The following RCAN2 variants were observed in gnomAD, a reference collection of about 807,000 sequenced individuals.
RCAN2 encodes calcipressin-2.
Under a neutral mutation model 23.6 loss-of-function variants are expected in RCAN2, and 9 were observed. That is an observed-to-expected ratio of 0.38 (90% CI 0.23 to 0.67). The LOEUF (loss-of-function observed/expected upper bound fraction) is 0.67. RCAN2 is among the 30% of genes least tolerant of loss of function. RCAN2 has a pLI of 0.51. For synonymous variants in RCAN2, 109 were observed against 115.7 expected (o/e 0.94, Z 0.37); for missense variants, 273 against 302.3 (o/e 0.90, Z 0.72).
chr6:46,249,318 T>G (rs1241088698), intron 2 of RCAN2, among the ~76,000 whole-genome samples: 1 of 9,566 alleles, frequency 1.0e-4, no homozygotes, highest in African/African-American at 5.9e-4. Context: ...TCTTTCTTTC[T>G]TTTTTTTTTT....
chr6:46,260,216 C>T (rs1047975736), intron 2 of RCAN2, among the ~76,000 whole-genome samples: 3 of 152,140 alleles, frequency 2.0e-5, no homozygotes, highest in Non-Finnish European at 4.4e-5. Context: ...ACACTTATCA[C>T]TGAGGAGATT....
chr6:46,338,748 C>T (rs1355764468), intron 2 of RCAN2, among the ~76,000 whole-genome samples: 1 of 152,100 alleles, frequency 6.6e-6, no homozygotes, highest in East Asian at 1.9e-4. Context: ...CATGGTGGCT[C>T]ACGCTTATAA....
At position 46,395,786 on chromosome 6, in the gene RCAN2, A is replaced by G. The variant is rs370469465; in HGVS notation, c.225+60966T>C. On this transcript the variant is annotated intron_variant, in intron 2 of 4. Transcript: ENST00000371374. The stretch of plus-strand genomic sequence containing the variant: ...TACTCTATCAGTGGAGCCACATTAC[A>G]ATATACTTATTTACCTGTCAAATTT... 4.5e-4 allele frequency among the ~76,000 whole-genome samples: 69 copies of G among 152,294 alleles called. No individual in the cohort carries two copies. In the South Asian group the frequency reaches 0.013, roughly 28 times the overall value.
chr6:46,487,196 T>C (rs994718094), intron 1 of RCAN2, among the ~76,000 whole-genome samples: 3 of 152,226 alleles, frequency 2.0e-5, no homozygotes, highest in Non-Finnish European at 4.4e-5. Flanking sequence ...ACAGCAACAT[T>C]GGCCTCCTTA....
chr6:46,320,927 G>C (rs1194469205), intron 2 of RCAN2, among the ~76,000 whole-genome samples: 1 of 152,136 alleles, frequency 6.6e-6, no homozygotes, highest in Admixed American at 6.5e-5. Flanking sequence ...TTGAGACAGT[G>C]ACCGTCTCAA....
intron 2 of RCAN2, among the ~76,000 whole-genome samples, chr6:46,416,280 T>C (rs1041777320): frequency 6.6e-6 from 1 of 150,654 alleles, no homozygotes; most frequent in Non-Finnish European, 1.5e-5. Flanking sequence ...AAGGCACCAA[T>C]CACCTCTAAG....
intron 2 of RCAN2, among the ~76,000 whole-genome samples, chr6:46,389,483 T>A (rs1275094371): frequency 6.6e-6 from 1 of 152,220 alleles, no homozygotes; most frequent in African/African-American, 2.4e-5. Context: ...AAAGTACTGA[T>A]GACAGCGATA....
intron 2 of RCAN2, among the ~76,000 whole-genome samples, chr6:46,369,591 A>G (rs1475721422): frequency 2.0e-5 from 3 of 152,222 alleles, no homozygotes; most frequent in Non-Finnish European, 4.4e-5. Context: ...CATGTGGTCC[A>G]TCAATGACTA....
intron 1 of RCAN2, among the ~76,000 whole-genome samples, chr6:46,466,657 G>T (rs757938656): frequency 3.3e-5 from 5 of 151,862 alleles, no homozygotes; most frequent in Admixed American, 6.6e-5. Context: ...AACTCCACAG[G>T]ACCTGTCAAA....
chr6:46,288,231 C>A (rs182693509), intron 2 of RCAN2, among the ~76,000 whole-genome samples: 15 of 152,314 alleles, frequency 9.8e-5, no homozygotes, highest in Non-Finnish European at 1.9e-4. Flanking sequence ...TAATAAAAAC[C>A]AGTCAACTAA....
In RCAN2 at chr6:46,450,633, C is replaced by T. The variant is rs573510678; in HGVS notation, c.225+6119G>A. 2.0e-5 allele frequency among the ~76,000 whole-genome samples: 3 copies of T among 151,916 alleles called. No individual in the cohort carries two copies. In the South Asian group the frequency reaches 6.2e-4, roughly 32 times the overall value. Reference sequence around the variant, plus strand: ...AAACAAGAAGGAAACCCTGTCTTTGCACAACATGGATGAAAATGCAGGATA... The same window carrying T: ...AAACAAGAAGGAAACCCTGTCTTTGTACAACATGGATGAAAATGCAGGATA... On this transcript the variant is annotated intron_variant, in intron 2 of 4. Coordinates refer to ENST00000371374, the MANE Select transcript of RCAN2 (RefSeq NM_001251974.2).
chr6:46,397,029 T>C (rs1399341130), intron 2 of RCAN2, among the ~76,000 whole-genome samples: 2 of 152,074 alleles, frequency 1.3e-5, no homozygotes, highest in African/African-American at 2.4e-5. Flanking sequence ...GAGAATCTCT[T>C]GAACCCAGGA....
At chr6:46,401,368 G>A (rs769707645) in intron 2 of RCAN2, among the ~76,000 whole-genome samples, 1 of 152,162 alleles carries the variant, frequency 6.6e-6, no homozygotes, top group Non-Finnish European at 1.5e-5. Flanking sequence ...GCCCACAAGG[G>A]TCCCCCTACA....
chr6:46,306,633 G>A (rs1247441988), intron 2 of RCAN2, among the ~76,000 whole-genome samples: 1 of 152,108 alleles, frequency 6.6e-6, no homozygotes, highest in African/African-American at 2.4e-5. Context: ...CACTCTGGTT[G>A]ACATGGCAGT....
At chr6:46,274,671 C>A (rs1767632014) in intron 2 of RCAN2, among the ~76,000 whole-genome samples, 1 of 152,188 alleles carries the variant, frequency 6.6e-6, no homozygotes, top group Non-Finnish European at 1.5e-5. Flanking sequence ...AAGCAGCCAG[C>A]CTCCAGAATC....
intron 2 of RCAN2, among the ~76,000 whole-genome samples, chr6:46,279,477 C>G (rs1447777686): frequency 6.6e-6 from 1 of 152,190 alleles, no homozygotes; most frequent in Non-Finnish European, 1.5e-5. Flanking sequence ...CCTCTATCCA[C>G]TAAATGCCAG....
intron 2 of RCAN2, among the ~76,000 whole-genome samples, chr6:46,255,977 CT>C (rs1245469035): frequency 6.6e-6 from 1 of 152,076 alleles, no homozygotes; most frequent in African/African-American, 2.4e-5. Flanking sequence ...CAATTAAAGA[CT>C]TGGTAAGGAG....
chr6:46,404,967 AAT>A (rs1190980290), intron 2 of RCAN2, among the ~76,000 whole-genome samples: 2 of 152,218 alleles, frequency 1.3e-5, no homozygotes, highest in Non-Finnish European at 2.9e-5. Context: ...TTTGCAATAA[AAT>A]ATGACACTGA....
At chr6:46,441,702 T>A (rs1349184256) in intron 2 of RCAN2, among the ~76,000 whole-genome samples, 1 of 152,176 alleles carries the variant, frequency 6.6e-6, no homozygotes, top group African/African-American at 2.4e-5. Flanking sequence ...TCAGGCTATA[T>A]GATAGAACAT....
Sources: gnomAD v4.1 joint callset for allele counts (sites outside exome capture counted in the v4.1 genomes callset) on GRCh38, gnomAD v4.1.1 for gene constraint, MANE v1.5 for transcripts, NCBI Gene and HGNC (gene_info 2026-07-23, HGNC 2026-07-21) for gene names.